NCOR2: variants seen among roughly 807,000 people sequenced by gnomAD.
The protein encoded by NCOR2 is nuclear receptor corepressor 2, also known as CTG repeat protein 26.
A neutral mutation model predicts 262.9 loss-of-function variants in NCOR2; 81 were observed. That is an observed-to-expected ratio of 0.31 (90% CI 0.26 to 0.37). The LOEUF is 0.37. NCOR2 is among the 10% of genes least tolerant of loss of function. The pLI is 1.00. For synonymous variants in NCOR2, 1,659 were observed against 1,559.3 expected (o/e 1.06, Z -1.51); for missense variants, 3,385 against 3,621.4 (o/e 0.93, Z 1.68).
At chr12:124,461,860 C>G (rs1236958696) in intron 5 of NCOR2, among the ~76,000 whole-genome samples, 1 of 152,198 alleles carries the variant, frequency 6.6e-6, no homozygotes. Context: ...CACAGGTATA[C>G]CTGCACACAT....
In NCOR2 at chr12:124,328,849, C is replaced by T. The variant is rs11830184; in HGVS notation, c.6959-1216G>A. On this transcript the variant is annotated intron_variant, in intron 44 of 46. Transcript: ENST00000405201. ...TTCTGTAGCAACTGCTGGCTGCCTGCGTTTTCTTTTCCCTTTTGGTTTCAA... is the reference window on the plus strand; with the variant it reads ...TTCTGTAGCAACTGCTGGCTGCCTGTGTTTTCTTTTCCCTTTTGGTTTCAA... 4.6e-3 allele frequency: 1,079 copies of T among 234,536 alleles called. 7 individuals are homozygous for T. The highest frequency in any genetic ancestry group is 0.023 in the African/African-American group (1,006 of 43,612). 14.5% of individuals were successfully genotyped at this position (234,536 alleles called of 1,614,324 possible).
intron 1 of NCOR2, among the ~76,000 whole-genome samples, chr12:124,505,143 C>T (rs765563911): frequency 6.6e-6 from 1 of 151,996 alleles, no homozygotes; most frequent in Non-Finnish European, 1.5e-5. Context: ...CCCTATTTGC[C>T]ACGTCCCCTC....
chr12:124,350,940 C>T (rs1284747773), intron 27 of NCOR2, among the ~76,000 whole-genome samples: 1 of 152,240 alleles, frequency 6.6e-6, no homozygotes, highest in Non-Finnish European at 1.5e-5. Flanking sequence ...TTGTCAAGTG[C>T]TTCCCATGAG....
At chr12:124,336,654 C>A in intron 38 of NCOR2, 99 bp downstream of exon 40, 1 of 1,522,102 alleles carries the variant, frequency 6.6e-7, no homozygotes, top group Non-Finnish European at 8.8e-7. Context: ...CGAGGGGAGC[C>A]GTTGGCCAGC....
At chr12:124,408,664 G>A (rs1398848206) in intron 13 of NCOR2, among the ~76,000 whole-genome samples, 2 of 152,102 alleles carry the variant, frequency 1.3e-5, no homozygotes, top group Non-Finnish European at 2.9e-5. Flanking sequence ...TGGGAGGAAA[G>A]CTTAAACCTG....
At chr12:124,341,609 G>A (rs1006022095) in intron 34 of NCOR2, among the ~76,000 whole-genome samples, 3 of 152,168 alleles carry the variant, frequency 2.0e-5, no homozygotes, top group African/African-American at 7.2e-5. Context: ...ACCCACTGAG[G>A]ATGCAGCCAG....
chr12:124,451,567 GTCTT>G lies in NCOR2; in HGVS notation c.763-1704_763-1701del, dbSNP rs1369621630. On this transcript the variant is annotated intron_variant, in intron 6 of 46. Coordinates refer to ENST00000405201, the Ensembl canonical transcript of NCOR2. ...TGAGTCTCTGTGTGTGTGTGTGTATGTCTTTCTGTCTGTCTGTCTCCCTCTCTTC... is the reference window on the plus strand; with the variant it reads ...TGAGTCTCTGTGTGTGTGTGTGTATGTCTGTCTGTCTGTCTCCCTCTCTTC... 3.1e-5 allele frequency among the ~76,000 whole-genome samples: 4 copies of G among 130,430 alleles called. No individual in the cohort carries two copies. In the East Asian group the frequency reaches 9.3e-4, roughly 30 times the overall value. The allele number at this position is 130,430 out of a possible 152,430, so 85.6% of individuals were successfully genotyped here.
At chr12:124,407,706 T>A (rs148922400) in intron 13 of NCOR2, among the ~76,000 whole-genome samples, 1 of 152,350 alleles carries the variant, frequency 6.6e-6, no homozygotes, top group African/African-American at 2.4e-5. Context: ...TCCTTACAAA[T>A]GTGTCAGGAG....
At chr12:124,437,015 G>A (rs1486614710) in intron 8 of NCOR2, among the ~76,000 whole-genome samples, 1 of 152,130 alleles carries the variant, frequency 6.6e-6, no homozygotes, top group Non-Finnish European at 1.5e-5. Flanking sequence ...GAACCCGAGA[G>A]GCGGAGGCTG....
intron 16 of NCOR2, chr12:124,388,873 GGAGGGAGGGAGGGAGGGAGGGAGC>G (rs1253433439): frequency 1.2e-6 from 1 of 856,120 alleles, no homozygotes; most frequent in South Asian, 2.2e-5. Context: ...GGTGAGGGAG[GGAGGGAGGGAGGGAGGGAGGGAGC>G]GAGGGAGGGA....
rs764802677 is a variant in NCOR2 at position 124,426,602 on chromosome 12, C to A, written c.1328+20G>T. The stretch of plus-strand genomic sequence containing the variant: ...GGGGGTGGGGGGCCGGGAGGCCAGG[C>A]CAGGTGATGGAGGACTCACTTCTCC... On this transcript the variant is annotated intron_variant, in intron 11 of 46. Transcript: ENST00000405201. 5 of 1,555,370 alleles carry A rather than the reference C, an allele frequency of 3.2e-6. No homozygotes were observed. Among genetic ancestry groups the A allele is most frequent in the Non-Finnish European group, 8.8e-7 (1 of 1,142,144 alleles).
chr12:124,407,902 CA>C (rs1427243436), intron 13 of NCOR2, among the ~76,000 whole-genome samples: 1 of 152,168 alleles, frequency 6.6e-6, no homozygotes, highest in Non-Finnish European at 1.5e-5. Flanking sequence ...AAAGTGGGGC[CA>C]GGGGTCAGAG....
At chr12:124,493,440 T>C (rs971130896) in intron 1 of NCOR2, among the ~76,000 whole-genome samples, 6 of 152,134 alleles carry the variant, frequency 3.9e-5, no homozygotes, top group African/African-American at 1.4e-4. Context: ...ATTCGGCATA[T>C]CCCCTTTACC....
At position 124,398,888 on chromosome 12, in the gene NCOR2, C is replaced by T. The variant is rs562026808; in HGVS notation, c.1814-707G>A. On this transcript the variant is annotated intron_variant, in intron 15 of 46. Transcript: ENST00000405201. Reference sequence around the variant, plus strand: ...CTGGTGTTACTGGGAAGGGACACAACCTGGCCTTGGGGTTGGCTGGAGGTG... The same window carrying T: ...CTGGTGTTACTGGGAAGGGACACAATCTGGCCTTGGGGTTGGCTGGAGGTG... Among the ~76,000 whole-genome samples, 45 of 152,350 alleles carry T rather than the reference C, an allele frequency of 3.0e-4. No homozygotes were observed. In the South Asian group the frequency reaches 5.4e-3, roughly 18 times the overall value.
intron 3 of NCOR2, among the ~76,000 whole-genome samples, chr12:124,475,405 C>T (rs1208484130): frequency 6.6e-6 from 1 of 152,220 alleles, no homozygotes; most frequent in East Asian, 1.9e-4. Context: ...GCTGCTCCAT[C>T]TCCATTACGC....
At chr12:124,451,982 A>G (rs1210444491) in intron 6 of NCOR2, among the ~76,000 whole-genome samples, 1 of 152,016 alleles carries the variant, frequency 6.6e-6, no homozygotes. Flanking sequence ...GGGCAATTCC[A>G]GGCTCCTGCT....
At chr12:124,381,896 CCA>C (rs1163384720) in intron 17 of NCOR2, among the ~76,000 whole-genome samples, 1 of 152,230 alleles carries the variant, frequency 6.6e-6, no homozygotes, top group Non-Finnish European at 1.5e-5. Flanking sequence ...GACACTGATG[CCA>C]AGTGTTACAT....
chr12:124,522,801 G>A (rs1242412002), intron 1 of NCOR2, among the ~76,000 whole-genome samples: 1 of 152,230 alleles, frequency 6.6e-6, no homozygotes, highest in Non-Finnish European at 1.5e-5. Flanking sequence ...AGGGATCTCC[G>A]GGATGGCCCC....
chr12:124,556,868 C>G (rs186212691), intron 1 of NCOR2, among the ~76,000 whole-genome samples: 10 of 150,422 alleles, frequency 6.6e-5, no homozygotes, highest in African/African-American at 2.2e-4. Flanking sequence ...AAAAAAAAAT[C>G]CGAGAAAAAT....
Sources: gnomAD v4.1 joint callset for allele counts (sites outside exome capture counted in the v4.1 genomes callset) on GRCh38, gnomAD v4.1.1 for gene constraint, MANE v1.5 for transcripts, NCBI Gene and HGNC (gene_info 2026-07-23, HGNC 2026-07-21) for gene names.